The following TYW1 variants were observed in gnomAD, a reference collection of about 807,000 sequenced individuals.
TYW1 encodes the protein tRNA-yW synthesizing protein 1 homolog, also known as S-adenosyl-L-methionine-dependent tRNA 4-demethylwyosine synthase TYW1.
In TYW1, 46 loss-of-function variants were observed where a neutral mutation model predicts 96.2. The observed-to-expected ratio is 0.48, with a 90% CI of 0.38 to 0.61. TYW1 has a LOEUF of 0.61. Among genes scored for constraint, TYW1 ranks in the 20% least tolerant of loss-of-function variants. The pLI is 0.00. For missense variants in TYW1, 684 were observed against 909.6 expected (o/e 0.75, Z 3.19); for synonymous variants, 274 against 323.0 (o/e 0.85, Z 1.63).
At chr7:67,070,660 C>A (rs1796002975) in intron 10 of TYW1, among the ~76,000 whole-genome samples, 1 of 152,086 alleles carries the variant, frequency 6.6e-6, no homozygotes, top group Admixed American at 6.6e-5. Flanking sequence ...TGGTTTCCTT[C>A]ATCTCTTTGT....
At chr7:67,145,470 A>G (rs1798582035) in intron 13 of TYW1, among the ~76,000 whole-genome samples, 1 of 152,058 alleles carries the variant, frequency 6.6e-6, no homozygotes, top group East Asian at 1.9e-4. Flanking sequence ...TAAAAACTGG[A>G]GATTTTGAGT....
intron 15 of TYW1, among the ~76,000 whole-genome samples, chr7:67,216,546 T>A (rs1394666486): frequency 6.8e-6 from 1 of 147,118 alleles, no homozygotes; most frequent in African/African-American, 2.6e-5. Context: ...GAATTTTTGC[T>A]TATTTCTCTT....
intron 15 of TYW1, among the ~76,000 whole-genome samples, chr7:67,223,298 T>A (rs1016776414): frequency 1.3e-5 from 2 of 152,202 alleles, no homozygotes; most frequent in Non-Finnish European, 2.9e-5. Flanking sequence ...ATGTGGCCAC[T>A]GTGTGAATCA....
At chr7:67,104,583 CT>C (rs1225499772) in intron 12 of TYW1, among the ~76,000 whole-genome samples, 1 of 132,438 alleles carries the variant, frequency 7.6e-6, no homozygotes, top group Non-Finnish European at 1.6e-5. Context: ...ATATCAGACT[CT>C]TTCTGACAGT....
chr7:67,053,094 T>G (rs1795411515), intron 8 of TYW1, among the ~76,000 whole-genome samples: 1 of 151,716 alleles, frequency 6.6e-6, no homozygotes, highest in Non-Finnish European at 1.5e-5. Flanking sequence ...TTTTTTTTTT[T>G]TTTTTTTCCT....
chr7:67,051,508 AT>A (rs199821067), intron 8 of TYW1, among the ~76,000 whole-genome samples: 1 of 151,910 alleles, frequency 6.6e-6, no homozygotes, highest in Non-Finnish European at 1.5e-5. Context: ...CTTTATTATT[AT>A]TTTTTTCTTC....
chr7:67,046,591 A>T (rs1048095406), intron 7 of TYW1, among the ~76,000 whole-genome samples: 6 of 152,228 alleles, frequency 3.9e-5, no homozygotes, highest in African/African-American at 1.4e-4. Context: ...TGGATCTTAC[A>T]TGGTTGTTAT....
chr7:67,145,528 A>G (rs182500617), intron 13 of TYW1, among the ~76,000 whole-genome samples: 10 of 152,246 alleles, frequency 6.6e-5, no homozygotes, highest in African/African-American at 2.4e-4. Flanking sequence ...AGTGTGAAAT[A>G]TGCTTCATTT....
At chr7:67,205,391 G>T (rs935772514) in intron 15 of TYW1, among the ~76,000 whole-genome samples, 4 of 151,918 alleles carry the variant, frequency 2.6e-5, no homozygotes, top group Admixed American at 6.6e-5. Flanking sequence ...GGAGGCGGGG[G>T]GGGGGCCTTA....
intron 15 of TYW1, among the ~76,000 whole-genome samples, chr7:67,223,737 C>A (rs1026782685): frequency 6.6e-6 from 1 of 151,698 alleles, no homozygotes; most frequent in Non-Finnish European, 1.5e-5. Flanking sequence ...GCAAGCTGCT[C>A]CCATAACATG....
intron 13 of TYW1, among the ~76,000 whole-genome samples, chr7:67,138,298 A>AG (rs1290796346): frequency 6.6e-6 from 1 of 152,150 alleles, no homozygotes; most frequent in Non-Finnish European, 1.5e-5. Context: ...AACTCTATGA[A>AG]GGAGGAGGGT....
intron 3 of TYW1, among the ~76,000 whole-genome samples, chr7:67,004,687 C>T (rs1286839217): frequency 3.9e-5 from 6 of 152,144 alleles, no homozygotes; most frequent in African/African-American, 1.4e-4. Flanking sequence ...ATTTGTTTGC[C>T]TGAAAGGATC....
intron 13 of TYW1, among the ~76,000 whole-genome samples, chr7:67,168,702 T>G (rs1425121788): frequency 6.6e-6 from 1 of 151,942 alleles, no homozygotes; most frequent in Admixed American, 6.6e-5. Flanking sequence ...TTTTTATTTC[T>G]TATTCTTTTT....
At chr7:67,226,362 C>A (rs1369890710) in intron 15 of TYW1, among the ~76,000 whole-genome samples, 1 of 152,172 alleles carries the variant, frequency 6.6e-6, no homozygotes, top group Non-Finnish European at 1.5e-5. Context: ...AAGATTCTGA[C>A]CCTCCCTAAA....
chr7:67,165,712 G>A (rs896350577), intron 13 of TYW1, among the ~76,000 whole-genome samples: 3 of 152,120 alleles, frequency 2.0e-5, no homozygotes, highest in Non-Finnish European at 2.9e-5. Context: ...CAGATCGCTT[G>A]AGCTCAGGTA....
At chr7:67,181,342 G>C (rs929118503) in intron 13 of TYW1, among the ~76,000 whole-genome samples, 5 of 138,500 alleles carry the variant, frequency 3.6e-5, no homozygotes, top group African/African-American at 1.4e-4. Flanking sequence ...TTTTGGCATT[G>C]GAAGAATTAT....
At chr7:67,175,962 G>A (rs1386018772) in intron 13 of TYW1, among the ~76,000 whole-genome samples, 2 of 152,088 alleles carry the variant, frequency 1.3e-5, no homozygotes, top group African/African-American at 4.8e-5. Flanking sequence ...TGGAAAGGAA[G>A]ATGTCATTTT....
chr7:67,230,966 T>C (rs911968835), intron 15 of TYW1, among the ~76,000 whole-genome samples: 3 of 152,256 alleles, frequency 2.0e-5, no homozygotes, highest in East Asian at 1.9e-4. Flanking sequence ...CTGTGTACCA[T>C]GGAAGATGAG....
chr7:67,034,948 G>C (rs1443002777), intron 7 of TYW1, among the ~76,000 whole-genome samples: 1 of 152,186 alleles, frequency 6.6e-6, no homozygotes, highest in Admixed American at 6.5e-5. Flanking sequence ...AGAAATGAGA[G>C]TACCTGTTCT....
Sources: gnomAD v4.1 joint callset for allele counts (sites outside exome capture counted in the v4.1 genomes callset) on GRCh38, gnomAD v4.1.1 for gene constraint, MANE v1.5 for transcripts, NCBI Gene and HGNC (gene_info 2026-07-23, HGNC 2026-07-21) for gene names.